The following MDGA2 variants were observed in gnomAD, a reference collection of about 807,000 sequenced individuals.
MDGA2 encodes the protein MAM domain-containing glycosylphosphatidylinositol anchor protein 2.
In MDGA2, 40 loss-of-function variants were observed where a neutral mutation model predicts 117.8. The observed-to-expected ratio is 0.34, with a 90% CI of 0.26 to 0.44. The LOEUF (loss-of-function observed/expected upper bound fraction) is 0.44, where lower values mean the gene tolerates loss of function less well. Ranked by LOEUF, MDGA2 falls within the 20% of genes least tolerant of loss-of-function variation. MDGA2 has a pLI of 1.00. For missense variants in MDGA2, 1,123 were observed against 1,250.6 expected, an observed-to-expected ratio of 0.90 and a Z score of 1.54; for synonymous variants, 452 against 439.0, an observed-to-expected ratio of 1.03 and a Z score of -0.37.
At chr14:47,041,263 T>C (rs943624214) in intron 7 of MDGA2, among the ~76,000 whole-genome samples, 2 of 152,068 alleles carry the variant, frequency 1.3e-5, no homozygotes, top group African/African-American at 4.8e-5. Context: ...TTATGAATTA[T>C]TTTTTAAAAA....
chr14:47,518,953 C>T (rs1356193084), intron 1 of MDGA2, among the ~76,000 whole-genome samples: 1 of 152,106 alleles, frequency 6.6e-6, no homozygotes, highest in African/African-American at 2.4e-5. Flanking sequence ...CCTGTAATCC[C>T]AGCATTTTGG....
intron 3 of MDGA2, among the ~76,000 whole-genome samples, chr14:47,156,944 C>T (rs902913023): frequency 2.0e-5 from 3 of 152,056 alleles, no homozygotes; most frequent in Non-Finnish European, 2.9e-5. Flanking sequence ...CAATAGATAA[C>T]GCTAATTATA....
chr14:47,643,392 A>T (rs1208535857), intron 1 of MDGA2, among the ~76,000 whole-genome samples: 1 of 152,068 alleles, frequency 6.6e-6, no homozygotes, highest in Non-Finnish European at 1.5e-5. Context: ...ATTTTTGGAC[A>T]TGCATATGTA....
chr14:46,982,174 AC>A (rs1262425119), intron 8 of MDGA2, among the ~76,000 whole-genome samples: 2 of 152,178 alleles, frequency 1.3e-5, no homozygotes, highest in African/African-American at 2.4e-5. Flanking sequence ...TACACAAGTG[AC>A]CACAATAAAA....
chr14:47,072,109 G>GT (rs1322698106), intron 6 of MDGA2, among the ~76,000 whole-genome samples: 2 of 133,116 alleles, frequency 1.5e-5, no homozygotes, highest in African/African-American at 6.0e-5. Context: ...TTTGGGGGGG[G>GT]GGGGGTTTGC....
At chr14:47,155,273 G>A (rs958123268) in intron 3 of MDGA2, among the ~76,000 whole-genome samples, 33 of 152,064 alleles carry the variant, frequency 2.2e-4, no homozygotes, top group Non-Finnish European at 4.6e-4. Flanking sequence ...CAAGAACTCG[G>A]GACCTTCTGA....
At chr14:47,009,767 A>T (rs1195987438) in intron 8 of MDGA2, among the ~76,000 whole-genome samples, 2 of 152,006 alleles carry the variant, frequency 1.3e-5, no homozygotes, top group East Asian at 3.9e-4. Context: ...TCAGGGAAAG[A>T]GGGCAGCAGC....
intron 6 of MDGA2, among the ~76,000 whole-genome samples, chr14:47,086,612 A>AT (rs11448517): frequency 0.82 from 124,707 of 151,440 alleles, 51,480 homozygotes; most frequent in East Asian, 0.97. Context: ...TTAAACATAG[A>AT]TTTTTTTTTA....
rs7154034 is a variant in MDGA2, at chr14:47,349,301, C to G, written c.281-47751G>C. Among the ~76,000 whole-genome samples the G allele has an allele frequency of 4.1e-3, 617 of 152,226 alleles. 2 individuals are homozygous for G. Among genetic ancestry groups the G allele is most frequent in the African/African-American group, 0.014 (597 of 41,550 alleles). ...TCGTTTCTTAAATGTTTAACCTGGG[C>G]TGAGTCATTCAAAGAGATCAAATGG... is the stretch of plus-strand genomic sequence containing the variant. On this transcript the variant is annotated intron_variant, in intron 1 of 16. Coordinates refer to ENST00000399232, the MANE Select transcript of MDGA2 (RefSeq NM_001113498.3).
intron 5 of MDGA2, among the ~76,000 whole-genome samples, chr14:47,099,117 T>C (rs1023953680): frequency 1.3e-5 from 2 of 151,870 alleles, no homozygotes; most frequent in African/African-American, 4.8e-5. Flanking sequence ...TACCTGAAAC[T>C]AAAAATAGCC....
chr14:47,243,351 G>A (rs1289683830), intron 2 of MDGA2, among the ~76,000 whole-genome samples: 3 of 151,670 alleles, frequency 2.0e-5, no homozygotes, highest in African/African-American at 7.3e-5. Context: ...TGTGGGTGGG[G>A]CCAGATAAGA....
At chr14:46,872,586 G>A (rs1022602298) in intron 14 of MDGA2, among the ~76,000 whole-genome samples, 3 of 151,780 alleles carry the variant, frequency 2.0e-5, no homozygotes, top group South Asian at 2.1e-4. Flanking sequence ...GAATGGTCTC[G>A]AGTAGAATCA....
At chr14:47,599,533 T>G (rs913924156) in intron 1 of MDGA2, among the ~76,000 whole-genome samples, 1 of 152,126 alleles carries the variant, frequency 6.6e-6, no homozygotes, top group Admixed American at 6.6e-5. Context: ...ACCAATGAAT[T>G]TGATCCCATA....
At chr14:47,174,838 C>CA (rs1282565914) in intron 3 of MDGA2, among the ~76,000 whole-genome samples, 1 of 151,892 alleles carries the variant, frequency 6.6e-6, no homozygotes, top group African/African-American at 2.4e-5. Flanking sequence ...AAAAACCCTT[C>CA]AAAAAATTAA....
rs538479726 is a variant in MDGA2 at position 47,506,467 on chromosome 14, C to A, written c.280+168050G>T. Among the ~76,000 whole-genome samples the A allele has an allele frequency of 4.6e-5, 7 of 152,266 alleles. No homozygotes were observed. In the South Asian group the frequency reaches 1.5e-3, roughly 32 times the overall value. On this transcript the variant is annotated intron_variant, in intron 1 of 16. Transcript: ENST00000399232. ...TCAGTATTTTAAATTAAATTGCTTG[C>A]CCCGGACTTCGTATGTTTCTCTCTC...
chr14:47,325,225 G>C (rs1890109391), intron 1 of MDGA2, among the ~76,000 whole-genome samples: 1 of 152,134 alleles, frequency 6.6e-6, no homozygotes, highest in African/African-American at 2.4e-5. Context: ...AACTGAAATA[G>C]AAAATTCAGC....
At chr14:47,369,799 A>T (rs1891306474) in intron 1 of MDGA2, among the ~76,000 whole-genome samples, 1 of 151,946 alleles carries the variant, frequency 6.6e-6, no homozygotes, top group Admixed American at 6.6e-5. Context: ...TTTCATCATG[A>T]TTTGTGAGCT....
intron 1 of MDGA2, among the ~76,000 whole-genome samples, chr14:47,348,738 G>A (rs768721232): frequency 6.2e-4 from 95 of 152,208 alleles, no homozygotes; most frequent in Middle Eastern, 3.4e-3. Context: ...AAAAATGAGT[G>A]CAGAAGCAAA....
intron 1 of MDGA2, among the ~76,000 whole-genome samples, chr14:47,559,262 C>T (rs1895747934): frequency 6.6e-6 from 1 of 152,078 alleles, no homozygotes; most frequent in Non-Finnish European, 1.5e-5. Context: ...TCAAGTAGGT[C>T]CCAGTAGTCT....
Sources: allele counts gnomAD v4.1 joint callset (sites outside exome capture counted in the v4.1 genomes callset), GRCh38; gene constraint gnomAD v4.1.1; transcripts MANE v1.5; gene names NCBI Gene and HGNC (gene_info 2026-07-23, HGNC 2026-07-21).